Variants in CDHR1 observed in about 807,000 individuals in gnomAD.
The protein encoded by CDHR1 is cadherin-related family member 1.
Under a neutral mutation model 72.1 loss-of-function variants are expected in CDHR1, and 61 were observed. That is an observed-to-expected ratio of 0.85 (90% CI 0.69 to 1.05). CDHR1 has a LOEUF of 1.05. CDHR1 is among the 50% of genes least tolerant of loss of function. CDHR1 has a pLI of 0.00. For missense variants in CDHR1, 1,186 were observed against 1,115.7 expected, an observed-to-expected ratio of 1.06 and a Z score of -0.90; for synonymous variants, 470 against 448.1, an observed-to-expected ratio of 1.05 and a Z score of -0.62.
At position 84,215,433 on chromosome 10, in the gene CDHR1, A is replaced by G; in HGVS notation, c.*812A>G. ...CTGCTCTCTGAGGAGCTGCCCCACC[A>G]GCCATCCTTGAAGAGACAATTCAGG... On this transcript the variant is annotated 3_prime_UTR_variant, in exon 17 of 17. Transcript: ENST00000623527. 1.0e-6 allele frequency: 1 copy of G among 985,458 alleles called. No homozygotes were observed. The highest frequency in any genetic ancestry group is 1.2e-6 in the Non-Finnish European group (1 of 829,950). 61.0% of individuals were successfully genotyped at this position (985,458 alleles called of 1,614,324 possible).
chr10:84,218,065 G>A lies in CDHR1; in HGVS notation c.*3444G>A, dbSNP rs1212181608. On this transcript the variant is annotated 3_prime_UTR_variant, in exon 17 of 17. Coordinates refer to ENST00000623527, the MANE Select transcript of CDHR1 (RefSeq NM_033100.4). ...TCCAAGGCCAGTCCACCTGCCAGGG[G>A]TGTTGGCATCTGTTGACAGGCAGTG... 17 of 985,368 alleles carry A rather than the reference G, an allele frequency of 1.7e-5. No individual in the cohort carries two copies. Among genetic ancestry groups the A allele is most frequent in the South Asian group, 4.7e-5 (1 of 21,288 alleles). The allele number at this position is 985,368 out of a possible 1,614,324, so 61.0% of individuals were successfully genotyped here.
Position 84,216,228 on chromosome 10 carries a change from G to A in CDHR1, c.*1607G>A. 1 of 985,492 alleles carries A rather than the reference G, an allele frequency of 1.0e-6. No homozygotes were observed. Among genetic ancestry groups the A allele is most frequent in the Non-Finnish European group, 1.2e-6 (1 of 829,964 alleles). The allele number at this position is 985,492 out of a possible 1,614,324, so 61.0% of individuals were successfully genotyped here. ...ATTGGTGATTTCATTTAAAGAGATT[G>A]TATGCATTTGTGGCTTTCCTGATTT... On this transcript the variant is annotated 3_prime_UTR_variant, in exon 17 of 17. Coordinates refer to ENST00000623527, the MANE Select transcript of CDHR1 (RefSeq NM_033100.4).
At chr10:84,209,018 C>A in intron 12 of CDHR1, 137 bp downstream of exon 12, 1 of 977,786 alleles carries the variant, frequency 1.0e-6, no homozygotes, top group Non-Finnish European at 1.6e-6. Flanking sequence ...CAGCCCTCTG[C>A]CCCTCCTGCA....
intron 15 of CDHR1, 63 bp downstream of exon 15, chr10:84,212,470 G>A: frequency 1.5e-6 from 2 of 1,372,708 alleles, no homozygotes; most frequent in Admixed American, 1.7e-5. Flanking sequence ...AAGAGATACT[G>A]AGGCATAAGA....
rs2132834351 is a variant in CDHR1, at chr10:84,213,244, C to A, written c.1936C>A (p.Pro646Thr). The change falls in exon 16 of 17, where the codon CCT becomes ACT. Residue 646 changes from proline to threonine, a missense_variant. Coordinates refer to ENST00000623527, the MANE Select transcript of CDHR1 (RefSeq NM_033100.4). ...RSLDALHNITPGRDCLWSLEV... is the reference protein window; with the variant it reads ...RSLDALHNITTGRDCLWSLEV... Reference sequence around the variant, plus strand: ...CCTGGATGCCCTGCACAACATCACACCTGGAAGGGACTGCCTATGGTCCCT... The same window carrying A: ...CCTGGATGCCCTGCACAACATCACAACTGGAAGGGACTGCCTATGGTCCCT... The A allele has an allele frequency of 1.9e-6, 3 of 1,614,250 alleles. No individual in the cohort carries two copies. Among genetic ancestry groups the A allele is most frequent in the Non-Finnish European group, 2.5e-6 (3 of 1,180,048 alleles).
chr10:84,218,799 C>A, downstream of CDHR1: 1 of 1,012,512 alleles, frequency 9.9e-7, no homozygotes, highest in Non-Finnish European at 1.2e-6. Context: ...AGTATACACA[C>A]ATATGTAGTC....
chr10:84,194,634 T>G lies in CDHR1; in HGVS notation c.-127T>G. On this transcript the variant is annotated 5_prime_UTR_variant, in exon 1 of 17. Coordinates refer to ENST00000623527, the MANE Select transcript of CDHR1 (RefSeq NM_033100.4). ...CCCGCCGCTCCCGCCCCGTGCCCCC[T>G]CCCGCCGCGGCTGCAGTCGCCGCTA... is the stretch of plus-strand genomic sequence containing the variant. 1.8e-5 allele frequency: 6 copies of G among 325,062 alleles called. No individual in the cohort carries two copies. The highest frequency in any genetic ancestry group is 3.5e-5 in the South Asian group (1 of 28,590). 20.1% of individuals were successfully genotyped at this position (325,062 alleles called of 1,614,324 possible).
chr10:84,207,826 C>T (rs978550507), intron 10 of CDHR1, among the ~76,000 whole-genome samples: 2 of 152,056 alleles, frequency 1.3e-5, no homozygotes, highest in Non-Finnish European at 2.9e-5. Flanking sequence ...GTTTCCATGC[C>T]CACCCAATTA....
intron 10 of CDHR1, among the ~76,000 whole-genome samples, chr10:84,206,846 G>T (rs1433603959): frequency 6.6e-6 from 1 of 152,212 alleles, no homozygotes; most frequent in Admixed American, 6.5e-5. Flanking sequence ...TAGAGCCATC[G>T]GCCAAAGTAA....
intron 5 of CDHR1, among the ~76,000 whole-genome samples, chr10:84,199,978 GCC>G (rs1842094149): frequency 6.6e-6 from 1 of 152,206 alleles, no homozygotes; most frequent in Non-Finnish European, 1.5e-5. Flanking sequence ...TTCGAGACCA[GCC>G]TGACCAACAT....
At chr10:84,210,495 G>A (rs375854144) in intron 12 of CDHR1, among the ~76,000 whole-genome samples, 296 of 152,200 alleles carry the variant, frequency 1.9e-3, no homozygotes, top group African/African-American at 6.4e-3. Flanking sequence ...TCGAACTCCC[G>A]ACCTCAGGTG....
At chr10:84,201,130 G>A (rs558091086) in intron 6 of CDHR1, among the ~76,000 whole-genome samples, 5 of 152,298 alleles carry the variant, frequency 3.3e-5, no homozygotes, top group East Asian at 1.9e-4. Context: ...CACCACTCCC[G>A]TGACCTTCAG....
At chr10:84,210,522 C>A (rs1382954975) in intron 12 of CDHR1, among the ~76,000 whole-genome samples, 1 of 152,148 alleles carries the variant, frequency 6.6e-6, no homozygotes, top group African/African-American at 2.4e-5. Context: ...CCGCCTTGGC[C>A]TCCCAAAGTG....
intron 5 of CDHR1, among the ~76,000 whole-genome samples, chr10:84,200,378 C>T (rs1006206221): frequency 6.6e-6 from 1 of 152,140 alleles, no homozygotes; most frequent in Non-Finnish European, 1.5e-5. Context: ...GAGCACATCC[C>T]CCAGCCCCTC....
chr10:84,212,629 G>T (rs1348555921), intron 15 of CDHR1, among the ~76,000 whole-genome samples: 1 of 152,194 alleles, frequency 6.6e-6, no homozygotes, highest in African/African-American at 2.4e-5. Context: ...AGGCCAGGTG[G>T]GTTAAGTGTT....
chr10:84,212,317 C>T lies in CDHR1; in HGVS notation c.1692C>T (p.Ile564=), dbSNP rs376669856. 4.3e-5 allele frequency: 69 copies of T among 1,614,206 alleles called. No individual in the cohort carries two copies. In the African/African-American group the frequency reaches 8.0e-4, roughly 19 times the overall value. Residue 564 remains isoleucine (I), a synonymous_variant, in exon 15 of 17, where the codon ATC becomes ATT. Coordinates refer to ENST00000623527, the MANE Select transcript of CDHR1 (RefSeq NM_033100.4). ...EGKYSVAEVF[I]TLLDVNDHPP... is the part of the protein sequence containing the mutation. ...AGTACAGCGTAGCTGAGGTGTTTAT[C>T]ACACTGCTGGATGTCAATGACCACC... is the stretch of plus-strand genomic sequence containing the variant.
At position 84,217,359 on chromosome 10, in the gene CDHR1, A is replaced by T; in HGVS notation, c.*2738A>T. 1 of 985,450 alleles carries T rather than the reference A, an allele frequency of 1.0e-6. No homozygotes were observed. The highest frequency in any genetic ancestry group is 1.2e-6 in the Non-Finnish European group (1 of 829,934). The allele number at this position is 985,450 out of a possible 1,614,324, so 61.0% of individuals were successfully genotyped here. A position where few individuals can be genotyped will look rare whatever the true frequency, so the allele number is the denominator to read the frequency against. The stretch of plus-strand genomic sequence containing the variant: ...GCCTCATGGACAATAAATGGATGTG[A>T]CACCAAATACTCTGCAGAGTCATTT... On this transcript the variant is annotated 3_prime_UTR_variant, in exon 17 of 17. Transcript: ENST00000623527.
Position 84,214,236 on chromosome 10 carries a change from A to G in CDHR1, c.2195A>G (p.Lys732Arg). 3 of 1,613,596 alleles carry G rather than the reference A, an allele frequency of 1.9e-6. No individual in the cohort carries two copies. Among genetic ancestry groups the G allele is most frequent in the East Asian group, 2.2e-5 (1 of 44,792 alleles). The change falls in exon 17 of 17, where the codon AAG (lysine) becomes AGG (arginine). Residue 732 changes from lysine to arginine, a missense_variant. Coordinates refer to ENST00000623527, the MANE Select transcript of CDHR1 (RefSeq NM_033100.4). Reference protein sequence around the residue: ...ATFWRNKKSNKVLPMRRVLRK... With the variant: ...ATFWRNKKSNRVLPMRRVLRK... The stretch of plus-strand genomic sequence containing the variant: ...TTCTGGCGCAACAAGAAGTCTAACA[A>G]GGTCCTGCCAATGCGGCGGGTGCTC...
At position 84,213,286 on chromosome 10, in the gene CDHR1, G is replaced by A. The variant is rs1085307801; in HGVS notation, c.1978G>A (p.Asp660Asn). ...ATGGTCCCTAGAGGTGCAGGCCAAG[G>A]ACCGGGGCTCCCCATCCTTCAGCAC... ...CLWSLEVQAK[D>N]RGSPSFSTTA... is the part of the protein sequence containing the mutation. The change falls in exon 16 of 17, where the codon GAC becomes AAC. Residue 660 changes from aspartate (D) to asparagine (N), a missense_variant. Asp to Asn is a conservative substitution (Grantham distance 23). Transcript: ENST00000623527. 1.2e-6 allele frequency: 2 copies of A among 1,614,232 alleles called. No homozygotes were observed. The highest frequency in any genetic ancestry group is 1.7e-6 in the Non-Finnish European group (2 of 1,180,042).
Sources: gnomAD v4.1 joint callset for allele counts (sites outside exome capture counted in the v4.1 genomes callset) on GRCh38, gnomAD v4.1.1 for gene constraint, MANE v1.5 for transcripts, NCBI Gene and HGNC (gene_info 2026-07-23, HGNC 2026-07-21) for gene names.